Variants in MROH9 observed in about 807,000 individuals in gnomAD.
The protein encoded by MROH9 is maestro heat like repeat family member 9, also known as maestro heat-like repeat-containing protein family member 9.
Under a neutral mutation model 98.2 loss-of-function variants are expected in MROH9, and 92 were observed. That is an observed-to-expected ratio of 0.94 (90% CI 0.79 to 1.11). The LOEUF is 1.11. Among genes scored for constraint, MROH9 ranks in the 50% most tolerant of loss-of-function variants. MROH9 has a pLI of 0.00. For synonymous variants in MROH9, 397 were observed against 368.9 expected (o/e 1.08, Z -0.87); for missense variants, 1,057 against 1,014.8 (o/e 1.04, Z -0.57).
chr1:170,977,383 G>A (rs533538629), intron 8 of MROH9, among the ~76,000 whole-genome samples: 2 of 152,332 alleles, frequency 1.3e-5, no homozygotes, highest in South Asian at 4.1e-4. Flanking sequence ...TGGAGATTGA[G>A]TATAGTCAGT....
At chr1:170,958,853 T>C (rs1649896134) in intron 4 of MROH9, among the ~76,000 whole-genome samples, 1 of 152,226 alleles carries the variant, frequency 6.6e-6, no homozygotes, top group Admixed American at 6.5e-5. Context: ...ATATCTCAAC[T>C]GTTTAAAGCT....
intron 15 of MROH9, among the ~76,000 whole-genome samples, chr1:171,001,361 A>T (rs979929823): frequency 1.3e-5 from 2 of 151,852 alleles, no homozygotes; most frequent in Non-Finnish European, 2.9e-5. Context: ...GCTCTTTCAG[A>T]CTTTTTGACA....
intron 3 of MROH9, among the ~76,000 whole-genome samples, chr1:170,953,897 A>G (rs1231117306): frequency 1.3e-5 from 2 of 150,912 alleles, no homozygotes; most frequent in African/African-American, 4.9e-5. Context: ...GAAAGAAAAA[A>G]AGAGAGAGAA....
intron 20 of MROH9, among the ~76,000 whole-genome samples, chr1:171,030,827 G>T (rs1652881617): frequency 6.6e-6 from 1 of 152,132 alleles, no homozygotes; most frequent in Non-Finnish European, 1.5e-5. Context: ...CCGAGTTCAA[G>T]TCCTGAATAT....
chr1:171,017,635 C>T (rs1652372331), intron 17 of MROH9, among the ~76,000 whole-genome samples: 2 of 151,890 alleles, frequency 1.3e-5, no homozygotes, highest in African/African-American at 4.8e-5. Context: ...CTGATAGCCA[C>T]CTAACACACT....
chr1:171,031,926 G>T lies in MROH9; in HGVS notation c.2281+6506G>T, dbSNP rs558407276. ...CCTTCTGGTACTCTAAGCAATCATA[G>T]ATTTGATCTTTTTATGAAGCTCCAT... On this transcript the variant is annotated intron_variant, in intron 20 of 21. Coordinates refer to ENST00000367759, the MANE Select transcript of MROH9 (RefSeq NM_001163629.2). Among the ~76,000 whole-genome samples the T allele has an allele frequency of 3.9e-5, 6 of 152,180 alleles. No homozygotes were observed. In the South Asian group the frequency reaches 8.3e-4, roughly 21 times the overall value.
intron 20 of MROH9, among the ~76,000 whole-genome samples, chr1:171,031,923 A>G (rs1652927653): frequency 6.6e-6 from 1 of 152,048 alleles, no homozygotes; most frequent in South Asian, 2.1e-4. Flanking sequence ...CTAAGCAATC[A>G]TAGATTTGAT....
At chr1:170,961,632 A>G (rs1650017147) in intron 5 of MROH9, among the ~76,000 whole-genome samples, 1 of 152,166 alleles carries the variant, frequency 6.6e-6, no homozygotes, top group South Asian at 2.1e-4. Context: ...TATTCATTCT[A>G]CTTCTCAAAG....
rs116077789 is a variant in MROH9 at position 170,962,634 on chromosome 1, A to C, written c.375+658A>C. Among the ~76,000 whole-genome samples, 831 of 152,282 alleles carry C rather than the reference A, an allele frequency of 5.5e-3. 8 individuals are homozygous for C. Among genetic ancestry groups the C allele is most frequent in the African/African-American group, 0.018 (756 of 41,568 alleles). ...TATGAGCTGTATAAATCATAAATACATACAAGTAAAGAAGCAGTATTGGTA... is the reference window on the plus strand; with the variant it reads ...TATGAGCTGTATAAATCATAAATACCTACAAGTAAAGAAGCAGTATTGGTA... On this transcript the variant is annotated intron_variant, in intron 6 of 21. Coordinates refer to ENST00000367759, the MANE Select transcript of MROH9 (RefSeq NM_001163629.2).
chr1:171,063,110 C>T (rs1373036991), intron 21 of MROH9, among the ~76,000 whole-genome samples: 1 of 151,926 alleles, frequency 6.6e-6, no homozygotes, highest in African/African-American at 2.4e-5. Context: ...CTTTCATTCC[C>T]CCCATCCTGC....
intron 20 of MROH9, among the ~76,000 whole-genome samples, chr1:171,060,911 T>C (rs547340755): frequency 1.3e-5 from 2 of 152,174 alleles, no homozygotes; most frequent in South Asian, 4.1e-4. Flanking sequence ...TTTGTGTTAA[T>C]TAAAAAACAA....
intron 20 of MROH9, among the ~76,000 whole-genome samples, chr1:171,060,040 C>A (rs1653966287): frequency 6.6e-6 from 1 of 151,710 alleles, no homozygotes; most frequent in African/African-American, 2.4e-5. Flanking sequence ...AAAAGACTAC[C>A]TATTGGGTAC....
At chr1:171,053,978 C>G (rs1032328840) in intron 20 of MROH9, among the ~76,000 whole-genome samples, 1 of 151,648 alleles carries the variant, frequency 6.6e-6, no homozygotes, top group Admixed American at 6.6e-5. Context: ...TAAAATAAGG[C>G]AAAACAAAAA....
intron 3 of MROH9, among the ~76,000 whole-genome samples, chr1:170,948,935 A>G (rs1649442430): frequency 6.6e-6 from 1 of 152,124 alleles, no homozygotes; most frequent in South Asian, 2.1e-4. Flanking sequence ...ATTCTAAAAT[A>G]ACACTGGATG....
intron 15 of MROH9, among the ~76,000 whole-genome samples, chr1:171,010,332 A>G (rs1652106404): frequency 1.3e-5 from 2 of 152,144 alleles, no homozygotes; most frequent in South Asian, 4.1e-4. Context: ...TATCCAGTCT[A>G]TTGTTGATGG....
At chr1:170,999,331 C>G (rs564175047) in intron 15 of MROH9, among the ~76,000 whole-genome samples, 4 of 152,198 alleles carry the variant, frequency 2.6e-5, no homozygotes, top group African/African-American at 9.6e-5. Context: ...CTCTTTCCCC[C>G]AAGTCCCCAA....
At chr1:171,015,008 A>G (rs769314112) in intron 16 of MROH9, 6 of 471,880 alleles carry the variant, frequency 1.3e-5, no homozygotes, top group South Asian at 9.3e-5. Flanking sequence ...CTTACCTTCC[A>G]GGTCGACTGA....
chr1:171,034,453 A>G (rs554624542), intron 20 of MROH9, among the ~76,000 whole-genome samples: 1 of 152,312 alleles, frequency 6.6e-6, no homozygotes, highest in East Asian at 1.9e-4. Context: ...ATGCCTTGGA[A>G]GGCTGACCTC....
At chr1:171,002,599 T>C (rs1162062495) in intron 15 of MROH9, among the ~76,000 whole-genome samples, 1 of 152,200 alleles carries the variant, frequency 6.6e-6, no homozygotes. Flanking sequence ...TTCTAGATTG[T>C]AGGGTTTATG....
Sources: gnomAD v4.1 joint callset for allele counts (sites outside exome capture counted in the v4.1 genomes callset) on GRCh38, gnomAD v4.1.1 for gene constraint, MANE v1.5 for transcripts, NCBI Gene and HGNC (gene_info 2026-07-23, HGNC 2026-07-21) for gene names.